The following SGIP1 variants were observed in gnomAD, a reference collection of about 807,000 sequenced individuals.
SGIP1 encodes the protein SH3-containing GRB2-like protein 3-interacting protein 1.
SGIP1 carries 38 observed loss-of-function variants against 107.5 expected under a neutral mutation model. The ratio of observed to expected loss-of-function variants is 0.35; its 90% confidence interval spans 0.27 to 0.46. The LOEUF (loss-of-function observed/expected upper bound fraction) is 0.46. Among genes scored for constraint, SGIP1 ranks in the 20% least tolerant of loss-of-function variants. SGIP1 has a pLI of 1.00. For missense variants in SGIP1, 929 were observed against 1,019.5 expected, an observed-to-expected ratio of 0.91 and a Z score of 1.21; for synonymous variants, 365 against 366.1, an observed-to-expected ratio of 1.00 and a Z score of 0.03.
chr1:66,559,129 C>G (rs1229970392), intron 1 of SGIP1, among the ~76,000 whole-genome samples: 4 of 152,086 alleles, frequency 2.6e-5, no homozygotes. Flanking sequence ...TTGGGCAATG[C>G]TTCTTCAAAT....
intron 1 of SGIP1, among the ~76,000 whole-genome samples, chr1:66,597,179 T>G (rs983958196): frequency 1.3e-5 from 2 of 152,196 alleles, no homozygotes; most frequent in Non-Finnish European, 2.9e-5. Context: ...TAGTACCCAA[T>G]AGTTACTTTT....
chr1:66,542,089 A>G (rs1228534927), intron 1 of SGIP1, among the ~76,000 whole-genome samples: 2 of 152,066 alleles, frequency 1.3e-5, no homozygotes, highest in Admixed American at 6.6e-5. Context: ...CAAACCCTAT[A>G]TGCACTATGC....
At chr1:66,686,542 T>C (rs1464083066) in intron 15 of SGIP1, among the ~76,000 whole-genome samples, 1 of 152,184 alleles carries the variant, frequency 6.6e-6, no homozygotes. Context: ...ATGATAGCCA[T>C]CTACACTCTT....
chr1:66,662,570 A>C (rs1455666152), intron 8 of SGIP1, among the ~76,000 whole-genome samples: 6 of 152,216 alleles, frequency 3.9e-5, no homozygotes, highest in Admixed American at 3.9e-4. Context: ...CATAGGCTGC[A>C]GTGTTTTCTT....
chr1:66,609,985 T>A (rs1029994052), intron 1 of SGIP1, among the ~76,000 whole-genome samples: 7 of 152,144 alleles, frequency 4.6e-5, no homozygotes, highest in Non-Finnish European at 1.0e-4. Flanking sequence ...GAAGTTACAA[T>A]CTCGTCAGTT....
At position 66,740,737 on chromosome 1, in the gene SGIP1, A is replaced by G. The variant is rs1342119397; in HGVS notation, c.2299+15A>G. On this transcript the variant is annotated intron_variant, in intron 23 of 24. Coordinates refer to ENST00000371037, the MANE Select transcript of SGIP1 (RefSeq NM_032291.4). ...AGAAAATGGAGGTAATGGAATCACA[A>G]GTTTATTTTATTTAACATGTAAAGC... 5 of 1,566,606 alleles carry G rather than the reference A, an allele frequency of 3.2e-6. No homozygotes were observed. The African/African-American group carries it at 4.1e-5, about 13-fold the overall frequency.
In SGIP1 at chr1:66,693,369, G is replaced by T. The variant is rs561349979; in HGVS notation, c.1571-2065G>T. On this transcript the variant is annotated intron_variant, in intron 17 of 24. Transcript: ENST00000371037. ...GGGGAAAATCCTATCAATATTATGA[G>T]GATAGAGAAATTGCTTAAAGTTATT... Among the ~76,000 whole-genome samples, 6 of 152,030 alleles carry T rather than the reference G, an allele frequency of 3.9e-5. 1 individual carries two copies. In the South Asian group the frequency reaches 1.2e-3, roughly 32 times the overall value.
chr1:66,604,056 A>T (rs1396990830), intron 1 of SGIP1, among the ~76,000 whole-genome samples: 1 of 152,168 alleles, frequency 6.6e-6, no homozygotes, highest in Non-Finnish European at 1.5e-5. Context: ...TAGTTTATGA[A>T]TCCCCGTTAT....
At chr1:66,721,938 A>G (rs920267523) in intron 19 of SGIP1, among the ~76,000 whole-genome samples, 2 of 152,004 alleles carry the variant, frequency 1.3e-5, no homozygotes, top group African/African-American at 4.8e-5. Flanking sequence ...AAATCCTCCC[A>G]TCTTGTTCAA....
intron 1 of SGIP1, among the ~76,000 whole-genome samples, chr1:66,569,794 T>C (rs925152682): frequency 6.6e-6 from 1 of 151,850 alleles, no homozygotes; most frequent in African/African-American, 2.4e-5. Flanking sequence ...TTATAGAAAA[T>C]TAGAAAATTT....
chr1:66,546,388 C>T (rs1428885695), intron 1 of SGIP1, among the ~76,000 whole-genome samples: 1 of 152,146 alleles, frequency 6.6e-6, no homozygotes, highest in Non-Finnish European at 1.5e-5. Context: ...TAAGAAGATA[C>T]ATAGAAGAAA....
chr1:66,731,504 T>C (rs2094006610), intron 20 of SGIP1, among the ~76,000 whole-genome samples: 1 of 152,084 alleles, frequency 6.6e-6, no homozygotes, highest in Admixed American at 6.6e-5. Flanking sequence ...CAAAATATTA[T>C]ATAGACCCTT....
chr1:66,713,034 C>T (rs1343582809), intron 18 of SGIP1, among the ~76,000 whole-genome samples: 1 of 152,126 alleles, frequency 6.6e-6, no homozygotes, highest in Non-Finnish European at 1.5e-5. Context: ...TAAGATAACT[C>T]TCTCCTGACT....
intron 8 of SGIP1, chr1:66,666,189 T>C (rs2082496688): frequency 6.6e-6 from 1 of 152,418 alleles, no homozygotes; most frequent in Non-Finnish European, 1.5e-5. Flanking sequence ...TTTCTACATA[T>C]GGCTAGCCAG....
At chr1:66,696,753 A>G (rs1474432976) in intron 18 of SGIP1, among the ~76,000 whole-genome samples, 1 of 152,226 alleles carries the variant, frequency 6.6e-6, no homozygotes. Context: ...TCTTCTGCAC[A>G]TGAAGTCAAA....
chr1:66,565,929 AG>A (rs1191888738), intron 1 of SGIP1, among the ~76,000 whole-genome samples: 2 of 152,022 alleles, frequency 1.3e-5, no homozygotes, highest in Non-Finnish European at 2.9e-5. Context: ...ACTGAAATCA[AG>A]TGTAGTGTAA....
intron 18 of SGIP1, among the ~76,000 whole-genome samples, chr1:66,716,307 T>A (rs568688653): frequency 3.3e-5 from 5 of 152,278 alleles, no homozygotes; most frequent in Admixed American, 2.6e-4. Flanking sequence ...TCAATTCACT[T>A]GGCAAGACTA....
At chr1:66,618,134 AT>A (rs1254987079) in intron 1 of SGIP1, among the ~76,000 whole-genome samples, 2 of 152,172 alleles carry the variant, frequency 1.3e-5, no homozygotes, top group African/African-American at 2.4e-5. Context: ...ATGTCTATTA[AT>A]TTTTTTATGA....
intron 1 of SGIP1, among the ~76,000 whole-genome samples, chr1:66,596,297 A>G (rs1006428600): frequency 4.0e-5 from 6 of 151,282 alleles, no homozygotes; most frequent in Non-Finnish European, 8.8e-5. Flanking sequence ...GAGTGATGGA[A>G]CAGCTCTCAG....
Sources: gnomAD v4.1 joint callset for allele counts (sites outside exome capture counted in the v4.1 genomes callset) on GRCh38, gnomAD v4.1.1 for gene constraint, MANE v1.5 for transcripts, NCBI Gene and HGNC (gene_info 2026-07-23, HGNC 2026-07-21) for gene names.